The following FCSK variants were observed in gnomAD, a reference collection of about 807,000 sequenced individuals.
FCSK encodes the protein fucose kinase, also known as L-fucose kinase.
A neutral mutation model predicts 122.5 loss-of-function variants in FCSK; 123 were observed. That is an observed-to-expected ratio of 1.00 (90% CI 0.87 to 1.17). The LOEUF (loss-of-function observed/expected upper bound fraction) is 1.17, where lower values mean the gene tolerates loss of function less well. Among genes scored for constraint, FCSK ranks in the 50% most tolerant of loss-of-function variants. The probability of loss-of-function intolerance (pLI) is 0.00; values close to 1 mark genes in which losing one functional copy is unlikely to be tolerated. For synonymous variants in FCSK, 620 were observed against 625.5 expected, an observed-to-expected ratio of 0.99 and a Z score of 0.13; for missense variants, 1,366 against 1,450.4, an observed-to-expected ratio of 0.94 and a Z score of 0.95.
At chr16:70,479,107 C>T (rs17881561) in intron 22 of FCSK, 73 bp from the exon 23 acceptor site, 59,637 of 1,163,296 alleles carry the variant, frequency 0.051, 1,848 homozygotes, top group Non-Finnish European at 0.062. Context: ...CACGTCTTGG[C>T]ACTTCATGCA....
rs1440097783 is a variant in FCSK at position 70,473,341 on chromosome 16, A to G, written c.1765A>G (p.Thr589Ala). 1.3e-6 allele frequency: 2 copies of G among 1,503,826 alleles called. No homozygotes were observed. The highest frequency in any genetic ancestry group is 1.4e-5 in the African/African-American group (1 of 72,274). The allele number at this position is 1,503,826 out of a possible 1,614,324, so 93.2% of individuals were successfully genotyped here. Residue 589 changes from threonine (T) to alanine (A), a missense_variant, in exon 15 of 24, where the codon ACG (threonine) becomes GCG (alanine). Thr to Ala is a moderately conservative substitution (Grantham distance 58). Coordinates refer to ENST00000288078, the MANE Select transcript of FCSK (RefSeq NM_145059.3). The surrounding 1 kb of genome is among the most constrained non-coding windows in gnomAD (Gnocchi z 4.9). ...GGGCTGCCCCGGGCCCCTGCTGGCC[A>G]CGCTGGACCAGGGTGAGTGTGCAGG... ...REGCPGPLLA[T>A]LDQVAAGAGD... is the part of the protein sequence containing the mutation.
rs767272401 is a variant in FCSK, at chr16:70,466,860, TTC to T, written c.412-20_412-19del. The T allele has an allele frequency of 1.2e-6, 2 of 1,608,850 alleles. No homozygotes were observed. Among genetic ancestry groups the T allele is most frequent in the Non-Finnish European group, 1.7e-6 (2 of 1,176,976 alleles). On this transcript the variant is annotated intron_variant, in intron 5 of 23. Transcript: ENST00000288078. ...AGGCCTGGGCCAGGCACCAGCTGTG[TTC>T]TGTCTCCTTCCCCCCACAGCTGGGC...
At chr16:70,472,045 C>A (rs184359038) in intron 13 of FCSK, among the ~76,000 whole-genome samples, 1 of 152,182 alleles carries the variant, frequency 6.6e-6, no homozygotes, top group East Asian at 1.9e-4. Context: ...CCGACCTCAA[C>A]TGATCTGCCT....
chr16:70,471,495 G>A, intron 13 of FCSK, 143 bp downstream of exon 13: 1 of 826,466 alleles, frequency 1.2e-6, no homozygotes, highest in African/African-American at 1.7e-5. Flanking sequence ...AGGGAGGAGA[G>A]AATGAGGGAG....
At position 70,461,958 on chromosome 16, in the gene FCSK, T is replaced by C. The variant is rs185295659; in HGVS notation, c.-22-1211T>C. On this transcript the variant is annotated intron_variant, in intron 1 of 23. Transcript: ENST00000288078. ...AGGACTATTCACATCTGCCAAAAACTGGAGATGGCCCAGATGCTCTTCAGT... is the reference window on the plus strand; with the variant it reads ...AGGACTATTCACATCTGCCAAAAACCGGAGATGGCCCAGATGCTCTTCAGT... Among the ~76,000 whole-genome samples, 6 of 152,260 alleles carry C rather than the reference T, an allele frequency of 3.9e-5. No homozygotes were observed. In the East Asian group the frequency reaches 1.2e-3, roughly 29 times the overall value.
At chr16:70,455,834 G>T (rs2048078167) in intron 1 of FCSK, among the ~76,000 whole-genome samples, 1 of 151,856 alleles carries the variant, frequency 6.6e-6, no homozygotes. Flanking sequence ...GGAGATTGCA[G>T]TGAGCCGAGA....
chr16:70,460,570 A>G (rs7188297), intron 1 of FCSK, among the ~76,000 whole-genome samples: 18,140 of 151,358 alleles, frequency 0.12, 3,582 homozygotes, highest in African/African-American at 0.41. Context: ...ACATCTGGCT[A>G]ATTTTTGTAT....
chr16:70,478,458 A>T lies in FCSK; in HGVS notation c.2828A>T (p.Gln943Leu). The stretch of plus-strand genomic sequence containing the variant: ...ACCCGCCTGGCTCGGAACCTGCTGC[A>T]GGTGAGCTCTGGCCCCAGCATGAGG... ...GKTRLARNLL[Q>L]DVLRSWYARL... The change falls in exon 21 of 24, where the codon CAG (glutamine) becomes CTG (leucine). Residue 943 changes from glutamine (Q) to leucine (L), a missense_variant and splice_region_variant. By Grantham distance (113) the Gln-to-Leu change is moderately radical. Transcript: ENST00000288078. The T allele has an allele frequency of 6.2e-7, 1 of 1,613,954 alleles. No individual in the cohort carries two copies. Among genetic ancestry groups the T allele is most frequent in the African/African-American group, 1.3e-5 (1 of 75,068 alleles).
At chr16:70,469,396 C>T in intron 10 of FCSK, 73 bp downstream of exon 10, 1 of 1,436,220 alleles carries the variant, frequency 7.0e-7, no homozygotes. Context: ...GAGCTGCTCA[C>T]TGCATGCTGG....
intron 7 of FCSK, 25 bp downstream of exon 7, chr16:70,467,496 C>A (rs2048457659): frequency 1.3e-6 from 2 of 1,539,622 alleles, no homozygotes; most frequent in South Asian, 1.2e-5. Context: ...GACAGTGGAG[C>A]CGGCTGGGGC....
intron 18 of FCSK, 140 bp downstream of exon 18, chr16:70,475,151 G>T (rs1484484833): frequency 1.0e-6 from 1 of 995,068 alleles, no homozygotes; most frequent in South Asian, 1.6e-5. Flanking sequence ...AAGGGGCTGG[G>T]AGTCAACCTG....
At chr16:70,475,596 C>G (rs545851830) in intron 19 of FCSK, 52 bp from the exon 20 acceptor site, 90 of 1,576,526 alleles carry the variant, frequency 5.7e-5, no homozygotes, top group Non-Finnish European at 7.3e-5. Flanking sequence ...GTCAGGCAGG[C>G]CTGGGCAGGG....
chr16:70,457,735 G>C (rs1354179985), intron 1 of FCSK, among the ~76,000 whole-genome samples: 1 of 151,506 alleles, frequency 6.6e-6, no homozygotes, highest in Non-Finnish European at 1.5e-5. Context: ...CACTGTGCCT[G>C]GCTAATTTTT....
chr16:70,468,020 G>A (rs1392148722), intron 8 of FCSK, 54 bp downstream of exon 8: 1 of 1,368,240 alleles, frequency 7.3e-7, no homozygotes, highest in Admixed American at 1.7e-5. Flanking sequence ...GGGACAGGGA[G>A]GGAGGGTCTG....
At chr16:70,470,272 G>T (rs372950440) in intron 10 of FCSK, 42 bp from the exon 11 acceptor site, 25 of 1,397,258 alleles carry the variant, frequency 1.8e-5, no homozygotes, top group Non-Finnish European at 2.3e-5. Context: ...CCCCTGAGTC[G>T]CAGCAGGCAT....
chr16:70,471,713 C>T (rs1015272050), intron 13 of FCSK, among the ~76,000 whole-genome samples: 2 of 152,146 alleles, frequency 1.3e-5, no homozygotes, highest in African/African-American at 2.4e-5. Context: ...ATTCTCCTGC[C>T]TCAGCCTCAC....
In FCSK at chr16:70,472,611, G is replaced by A. The variant is rs1328948612; in HGVS notation, c.1406+6G>A. ...TTCAAGAGGACAGGTGTTCGGTAAG[G>A]TGGACACCCCTAGGGCCTCTGTGGG... On this transcript the variant is annotated splice_donor_region_variant and intron_variant, in intron 14 of 23. Transcript: ENST00000288078. 7 of 1,609,944 alleles carry A rather than the reference G, an allele frequency of 4.3e-6. 1 individual carries two copies. In the East Asian group the frequency reaches 6.7e-5, roughly 15 times the overall value.
Position 70,479,168 on chromosome 16 carries a change from GC to G in FCSK, c.2930-8del, listed in dbSNP as rs1179746564. The G allele has an allele frequency of 3.7e-6, 6 of 1,607,726 alleles. No individual in the cohort carries two copies. The highest frequency in any genetic ancestry group is 5.1e-6 in the Non-Finnish European group (6 of 1,176,316). ...TGGCCCAGGCACGTCACTCCCCTCT[GC>G]CCCACCTCAGGAAGCCTGCCTCTGC... On this transcript the variant is annotated splice_polypyrimidine_tract_variant and intron_variant, in intron 22 of 23. Transcript: ENST00000288078.
chr16:70,462,885 TC>T (rs1567695495), intron 1 of FCSK, among the ~76,000 whole-genome samples: 3 of 151,966 alleles, frequency 2.0e-5, no homozygotes, highest in Admixed American at 1.3e-4. Flanking sequence ...CCTCAGGTGA[TC>T]CCCCCACCTC....
Sources: allele counts gnomAD v4.1 joint callset (sites outside exome capture counted in the v4.1 genomes callset), GRCh38; gene constraint gnomAD v4.1.1; non-coding constraint Gnocchi (gnomAD v3.1); transcripts MANE v1.5; gene names NCBI Gene and HGNC (gene_info 2026-07-23, HGNC 2026-07-21).